Variants in JAG1 observed in about 807,000 individuals in gnomAD.
JAG1 encodes jagged canonical Notch ligand 1.
In JAG1, 23 loss-of-function variants were observed where a neutral mutation model predicts 148.7. That is an observed-to-expected ratio of 0.15 (90% CI 0.11 to 0.22). JAG1 has a LOEUF of 0.22. JAG1 is among the 10% of genes least tolerant of loss of function. The pLI is 1.00. For synonymous variants in JAG1, 572 were observed against 598.3 expected, an observed-to-expected ratio of 0.96 and a Z score of 0.64; for missense variants, 1,054 against 1,611.2, an observed-to-expected ratio of 0.65 and a Z score of 5.92.
chr20:10,656,542 G>C, intron 4 of JAG1, 84 bp from the exon 5 acceptor site: 1 of 1,182,238 alleles, frequency 8.5e-7, no homozygotes. Flanking sequence ...TTGCATTAAA[G>C]TCTGCAAATT....
intron 3 of JAG1, among the ~76,000 whole-genome samples, chr20:10,660,880 G>A (rs1250664547): frequency 2.6e-5 from 4 of 152,116 alleles, no homozygotes; most frequent in African/African-American, 7.2e-5. Flanking sequence ...GATGAGTCAC[G>A]AAGAAGCCAT....
intron 18 of JAG1, 70 bp downstream of exon 18, chr20:10,644,793 T>C: frequency 9.1e-7 from 1 of 1,100,738 alleles, no homozygotes; most frequent in South Asian, 1.2e-5. Context: ...TGGTTTCCAT[T>C]GCAAGTCCCC....
At position 10,651,583 on chromosome 20, in the gene JAG1, G is replaced by A; in HGVS notation, c.1118C>T (p.Thr373Ile). The A allele has an allele frequency of 1.2e-6, 2 of 1,606,104 alleles. No individual in the cohort carries two copies. Among genetic ancestry groups the A allele is most frequent in the Non-Finnish European group, 1.7e-6 (2 of 1,172,776 alleles). The change falls in exon 8 of 26, where the codon ACA becomes ATA. Residue 373 changes from threonine to isoleucine, a missense_variant and splice_region_variant. Physicochemically the swap from Thr to Ile is moderately conservative, Grantham distance 89. Transcript: ENST00000254958. ...SPGWTGPTCS[T>I]NIDDCSPNNC... is the part of the protein sequence containing the mutation. ...CACAGGCTGAAAATTGGACTTACTTGTAGAGCATGTGGGGCCGGTCCAGCC... is the reference window on the plus strand; with the variant it reads ...CACAGGCTGAAAATTGGACTTACTTATAGAGCATGTGGGGCCGGTCCAGCC...
rs569278499 is a variant in JAG1 at position 10,652,898 on chromosome 20, T to C, written c.756-300A>G. ...CACGAGTGAGCCAAAGGTGAAGGCA[T>C]GGAATAAATCAACCCGTGCACCTAG... is the stretch of plus-strand genomic sequence containing the variant. On this transcript the variant is annotated intron_variant, in intron 5 of 25. Coordinates refer to ENST00000254958, the MANE Select transcript of JAG1 (RefSeq NM_000214.3). Among the ~76,000 whole-genome samples the C allele has an allele frequency of 4.9e-4, 74 of 151,726 alleles. 1 individual carries two copies. Among genetic ancestry groups the C allele is most frequent in the Non-Finnish European group, 9.3e-4 (63 of 67,984 alleles).
At chr20:10,651,448 T>C in intron 8 of JAG1, 133 bp downstream of exon 8, 2 of 641,472 alleles carry the variant, frequency 3.1e-6, no homozygotes, top group Admixed American at 2.4e-5. Context: ...CCAGACTGCT[T>C]ACCAGACTTA....
At chr20:10,667,462 A>AGT (rs1725636594) in intron 2 of JAG1, among the ~76,000 whole-genome samples, 1 of 152,200 alleles carries the variant, frequency 6.6e-6, no homozygotes, top group African/African-American at 2.4e-5. Flanking sequence ...GGGTGGCCAG[A>AGT]GTATAAAATA....
chr20:10,667,283 T>C (rs2067461238), intron 2 of JAG1, among the ~76,000 whole-genome samples: 1 of 152,240 alleles, frequency 6.6e-6, no homozygotes, highest in Non-Finnish European at 1.5e-5. Context: ...GCGGCCATTG[T>C]GCACAGTCAG....
intron 4 of JAG1, among the ~76,000 whole-genome samples, chr20:10,656,893 A>G (rs868371449): frequency 6.7e-6 from 1 of 148,538 alleles, no homozygotes; most frequent in Non-Finnish European, 1.5e-5. Context: ...AAAAAAAAAA[A>G]AACAACCCAT....
Position 10,644,861 on chromosome 20 carries a change from A to G in JAG1, c.2344+2T>C. ...GAGAGTTCAAGGGGGGAGGACACTCACTCTGAGCACAGATGGGCCCCTCCC... is the reference window on the plus strand; with the variant it reads ...GAGAGTTCAAGGGGGGAGGACACTCGCTCTGAGCACAGATGGGCCCCTCCC... On this transcript the variant is annotated splice_donor_variant, in intron 18 of 25. Coordinates refer to ENST00000254958, the MANE Select transcript of JAG1 (RefSeq NM_000214.3). LOFTEE classifies it high-confidence loss of function. 6.2e-7 allele frequency: 1 copy of G among 1,607,720 alleles called. No homozygotes were observed. Among genetic ancestry groups the G allele is most frequent in the Non-Finnish European group, 8.5e-7 (1 of 1,174,194 alleles).
At chr20:10,646,120 G>T (rs199893466) in intron 14 of JAG1, 36 bp from the exon 15 acceptor site, 2 of 1,465,336 alleles carry the variant, frequency 1.4e-6, no homozygotes, top group South Asian at 2.3e-5. Flanking sequence ...AGAACTGAAG[G>T]ACTTGTGAAG....
Position 10,639,352 on chromosome 20 carries a change from C to T in JAG1, c.*146G>A. ...TTTCCCAGCCAACCACAGAAACTAC[C>T]ATTGCCAGTGTAAGCCAGCTTGTCA... On this transcript the variant is annotated 3_prime_UTR_variant, in exon 26 of 26. Transcript: ENST00000254958. The T allele has an allele frequency of 1.2e-6, 1 of 803,528 alleles. No individual in the cohort carries two copies. The allele number at this position is 803,528 out of a possible 1,614,324, so 49.8% of individuals were successfully genotyped here.
rs1308181807 is a variant in JAG1, at chr20:10,673,400, G to A, written c.81+50C>T. 58 of 1,312,996 alleles carry A rather than the reference G, an allele frequency of 4.4e-5. No individual in the cohort carries two copies. The highest frequency in any genetic ancestry group is 5.7e-5 in the Non-Finnish European group (56 of 984,474). 81.3% of individuals were successfully genotyped at this position (1,312,996 alleles called of 1,614,324 possible). On this transcript the variant is annotated intron_variant, in intron 1 of 25. Transcript: ENST00000254958. The surrounding 1 kb of genome is among the most constrained non-coding windows in gnomAD (Gnocchi z 4.7). ...GGGGCTCAACCGCCCAGGGCGCCGC[G>A]AGGGGAGGGAGAGGACGGCTGGGAG... is the stretch of plus-strand genomic sequence containing the variant.
At chr20:10,639,995 G>A in intron 25 of JAG1, 40 bp from the exon 26 acceptor site, 1 of 1,507,834 alleles carries the variant, frequency 6.6e-7, no homozygotes, top group South Asian at 1.1e-5. Context: ...CTCCAAGAAA[G>A]AAAGAAAAAA....
At chr20:10,658,396 G>A (rs886621570) in intron 4 of JAG1, 72 bp downstream of exon 4, 17 of 1,592,682 alleles carry the variant, frequency 1.1e-5, no homozygotes, top group Admixed American at 3.3e-5. Flanking sequence ...CATGCCACCT[G>A]CCTGCTGGTG....
intron 19 of JAG1, 63 bp downstream of exon 19, chr20:10,644,294 A>T (rs1005618756): frequency 4.1e-5 from 49 of 1,209,700 alleles, no homozygotes; most frequent in African/African-American, 3.0e-4. Context: ...ACACACACAC[A>T]CACACACACA....
At chr20:10,640,566 G>A (rs1000317264) in intron 25 of JAG1, among the ~76,000 whole-genome samples, 8 of 152,220 alleles carry the variant, frequency 5.3e-5, no homozygotes, top group Non-Finnish European at 7.3e-5. Context: ...TGCAGGGAAC[G>A]TTGCATAGTG....
rs199853723 is a variant in JAG1 at position 10,640,763 on chromosome 20, T to G, written c.3199+20A>C. ...GATCATCTACTATCATCACACAAAC[T>G]AGTCCCACTTGACACCTACCTGTTC... On this transcript the variant is annotated intron_variant, in intron 25 of 25. Transcript: ENST00000254958. The G allele has an allele frequency of 2.9e-5, 46 of 1,613,094 alleles. No individual in the cohort carries two copies. The highest frequency in any genetic ancestry group is 4.0e-5 in the African/African-American group (3 of 75,014).
intron 5 of JAG1, among the ~76,000 whole-genome samples, chr20:10,653,348 T>C (rs1568798755): frequency 1.3e-5 from 2 of 148,898 alleles, no homozygotes; most frequent in Non-Finnish European, 3.0e-5. Flanking sequence ...TATAAGCACC[T>C]TGATTAATCA....
intron 13 of JAG1, 121 bp from the exon 14 acceptor site, chr20:10,647,224 AC>A: frequency 1.7e-6 from 2 of 1,161,210 alleles, no homozygotes; most frequent in African/African-American, 3.0e-5. Context: ...AATGAGACAC[AC>A]CCCAGGGAAG....
Sources: gnomAD v4.1 joint callset for allele counts (sites outside exome capture counted in the v4.1 genomes callset) on GRCh38, gnomAD v4.1.1 for gene constraint, Gnocchi (gnomAD v3.1) non-coding constraint, MANE v1.5 for transcripts, NCBI Gene and HGNC (gene_info 2026-07-23, HGNC 2026-07-21) for gene names.